The following RADIL variants were observed in gnomAD, a reference collection of about 807,000 sequenced individuals.
RADIL encodes the protein ras-associating and dilute domain-containing protein.
Under a neutral mutation model 97.6 loss-of-function variants are expected in RADIL, and 99 were observed. That is an observed-to-expected ratio of 1.01 (90% CI 0.86 to 1.20). The LOEUF (loss-of-function observed/expected upper bound fraction) is 1.20. Among genes scored for constraint, RADIL ranks in the 50% most tolerant of loss-of-function variants. The pLI is 0.00. For missense variants in RADIL, 1,765 were observed against 1,498.9 expected (o/e 1.18, Z -2.93); for synonymous variants, 803 against 691.8 (o/e 1.16, Z -2.52).
chr7:4,815,438 C>A lies in RADIL; in HGVS notation c.1979G>T (p.Ser660Ile), dbSNP rs1423137367. Residue 660 changes from serine to isoleucine, a missense_variant, in exon 9 of 15, where the codon AGC becomes ATC. Physicochemically the swap from Ser to Ile is moderately radical, Grantham distance 142. Transcript: ENST00000399583. The surrounding 1 kb of genome is among the most constrained non-coding windows in gnomAD (Gnocchi z 8.0). ...NQLLDRGPSL[S>I]CFHWPRGVQA... ...GACACCTCTGGGCCAGTGGAAGCAG[C>A]TCAGGGAGGGGCCTGTGGAGGGAAG... is the stretch of plus-strand genomic sequence containing the variant. The A allele has an allele frequency of 6.5e-7, 1 of 1,527,226 alleles. No homozygotes were observed. Among genetic ancestry groups the A allele is most frequent in the Non-Finnish European group, 8.8e-7 (1 of 1,134,300 alleles). 94.6% of individuals were successfully genotyped at this position (1,527,226 alleles called of 1,614,324 possible). A position where few individuals can be genotyped will look rare whatever the true frequency, so the allele number is the denominator to read the frequency against.
intron 2 of RADIL, among the ~76,000 whole-genome samples, chr7:4,836,828 C>T (rs980442863): frequency 5.9e-5 from 9 of 152,244 alleles, no homozygotes; most frequent in Middle Eastern, 3.4e-3. Context: ...ATCCCAGCTA[C>T]TCAGGAGGCT....
At chr7:4,848,261 T>C (rs1562448845) in intron 2 of RADIL, among the ~76,000 whole-genome samples, 1 of 150,686 alleles carries the variant, frequency 6.6e-6, no homozygotes, top group African/African-American at 2.4e-5. Context: ...ATGATGATGA[T>C]CACACAACTT....
Position 4,801,825 on chromosome 7 carries a change from G to A in RADIL, c.2670C>T (p.Ser890=). The change falls in exon 12 of 15, where the codon TCC becomes TCT. Residue 890 remains serine (S), a synonymous_variant. Transcript: ENST00000399583. The part of the protein sequence containing the change: ...PPGRQPSRGG[S]QAGPPHTDSS... ...AGTCCGTGTGCGGGGGGCCAGCCTG[G>A]GAGCCCCCACGGCTGGGTTGCCTTC... The A allele has an allele frequency of 6.2e-7, 1 of 1,606,962 alleles. No individual in the cohort carries two copies. Among genetic ancestry groups the A allele is most frequent in the Non-Finnish European group, 8.5e-7 (1 of 1,177,552 alleles).
intron 7 of RADIL, 137 bp from the exon 8 acceptor site, chr7:4,816,602 C>A (rs1782685531): frequency 7.2e-6 from 5 of 697,716 alleles, no homozygotes; most frequent in Non-Finnish European, 1.2e-5. Context: ...GCTGGACAGG[C>A]CATGGCTTTG....
intron 9 of RADIL, 84 bp from the exon 10 acceptor site, chr7:4,805,800 G>C: frequency 6.6e-7 from 1 of 1,511,366 alleles, no homozygotes; most frequent in Non-Finnish European, 8.9e-7. Flanking sequence ...CAGGTGGCCT[G>C]GGGGTAGCCA....
intron 2 of RADIL, chr7:4,858,580 T>C (rs1783892660): frequency 6.6e-6 from 1 of 152,628 alleles, no homozygotes; most frequent in African/African-American, 2.4e-5. Context: ...TTAAAATTCT[T>C]GAAGAAAATG....
intron 2 of RADIL, chr7:4,865,659 C>T (rs1047342571): frequency 2.1e-6 from 2 of 939,988 alleles, no homozygotes; most frequent in Non-Finnish European, 3.5e-6. Context: ...TTTCCATTCA[C>T]TTTGATCCTT....
intron 9 of RADIL, chr7:4,809,472 G>C (rs190498626): frequency 3.0e-6 from 3 of 985,164 alleles, no homozygotes; most frequent in Non-Finnish European, 3.6e-6. Context: ...AATTTCCCCC[G>C]AGGAACACGC....
chr7:4,828,111 G>C (rs1336454669), intron 5 of RADIL, among the ~76,000 whole-genome samples: 1 of 152,052 alleles, frequency 6.6e-6, no homozygotes, highest in Non-Finnish European at 1.5e-5. Context: ...CTGTTGGTGG[G>C]GATATAAATT....
rs867478990 is a variant in RADIL, at chr7:4,798,078, A to G, written c.*1300T>C. 2 of 136,102 alleles carry G rather than the reference A, an allele frequency of 1.5e-5. No homozygotes were observed. Among genetic ancestry groups the G allele is most frequent in the African/African-American group, 3.4e-5 (1 of 29,518 alleles). The allele number at this position is 136,102 out of a possible 1,614,324, so 8.4% of individuals were successfully genotyped here. A position where few individuals can be genotyped will look rare whatever the true frequency, so the allele number is the denominator to read the frequency against. ...ACATGAATATGTAATATATTCATATATAATTATATATTTATATATATTCAT... is the reference window on the plus strand; with the variant it reads ...ACATGAATATGTAATATATTCATATGTAATTATATATTTATATATATTCAT... On this transcript the variant is annotated 3_prime_UTR_variant, in exon 15 of 15. Coordinates refer to ENST00000399583, the MANE Select transcript of RADIL (RefSeq NM_018059.5).
Position 4,822,236 on chromosome 7 carries a change from C to A in RADIL, c.1615+158G>T, listed in dbSNP as rs577239242. 1.3e-5 allele frequency among the ~76,000 whole-genome samples: 2 copies of A among 152,310 alleles called. No homozygotes were observed. Among genetic ancestry groups the A allele is most frequent in the African/African-American group, 4.8e-5 (2 of 41,594 alleles). ...CAGCACCAGCCTCACAGGCCGTCCC[C>A]GAGCAACTGACACATGGCAGCCTAG... is the stretch of plus-strand genomic sequence containing the variant. On this transcript the variant is annotated intron_variant, in intron 6 of 14. Coordinates refer to ENST00000399583, the MANE Select transcript of RADIL (RefSeq NM_018059.5). The surrounding 1 kb of genome is among the most constrained non-coding windows in gnomAD (Gnocchi z 5.3).
chr7:4,799,901 C>G (rs2306920), intron 13 of RADIL, 132 bp from the exon 14 acceptor site: 48 of 1,329,730 alleles, frequency 3.6e-5, no homozygotes, highest in Non-Finnish European at 4.8e-5. Flanking sequence ...TGGTTTCACG[C>G]GTCCCTCCAG....
Position 4,835,210 on chromosome 7 carries a change from G to A in RADIL, c.813C>T (p.Asp271=). 1 of 1,611,380 alleles carries A rather than the reference G, an allele frequency of 6.2e-7. No homozygotes were observed. Among genetic ancestry groups the A allele is most frequent in the Non-Finnish European group, 8.5e-7 (1 of 1,179,852 alleles). ...HDSLVYVLNR[D]RHTVGQRTPS... is the part of the protein sequence containing the mutation. ...GGGTCCGCTGGCCCACCGTGTGCCG[G>A]TCCCGGTTGAGCACATACACCAGGC... The change falls in exon 4 of 15, where the codon GAC becomes GAT. Residue 271 remains aspartate (D), a synonymous_variant. Transcript: ENST00000399583. This position sits in a 1 kb window ranked among gnomAD's most constrained non-coding sequence, Gnocchi z 5.8.
chr7:4,853,997 G>A (rs1175530542), intron 2 of RADIL, among the ~76,000 whole-genome samples: 1 of 152,168 alleles, frequency 6.6e-6, no homozygotes, highest in Non-Finnish European at 1.5e-5. Context: ...TGAAAGATGA[G>A]GGGATGCCGC....
intron 5 of RADIL, among the ~76,000 whole-genome samples, chr7:4,829,913 C>T (rs1439787804): frequency 6.6e-6 from 1 of 152,112 alleles, no homozygotes; most frequent in Non-Finnish European, 1.5e-5. Flanking sequence ...TTATTAGCAG[C>T]GTGAGAACAG....
intron 10 of RADIL, among the ~76,000 whole-genome samples, chr7:4,804,574 G>A (rs1327472259): frequency 1.3e-5 from 2 of 152,042 alleles, no homozygotes; most frequent in South Asian, 2.1e-4. Context: ...ATCGCCTGAG[G>A]TCAGGAATTC....
At position 4,799,730 on chromosome 7, in the gene RADIL, G is replaced by T; in HGVS notation, c.3022C>A (p.Leu1008Met). The stretch of plus-strand genomic sequence containing the variant: ...GCCGCTGCGGGGCTGCCCGGGAGCA[G>T]GGTCTGGATGTAGAGCCCGGGGGCG... ...LGAPGLYIQT[L>M]LPGSPAAADG... Residue 1008 changes from leucine (L) to methionine (M), a missense_variant, in exon 14 of 15, where the codon CTG becomes ATG. Physicochemically the swap from Leu to Met is conservative, Grantham distance 15. Transcript: ENST00000399583. The T allele has an allele frequency of 2.6e-6, 4 of 1,561,060 alleles. No homozygotes were observed. Among genetic ancestry groups the T allele is most frequent in the Non-Finnish European group, 3.5e-6 (4 of 1,156,798 alleles).
At position 4,822,494 on chromosome 7, in the gene RADIL, G is replaced by A. The variant is rs201562764; in HGVS notation, c.1515C>T (p.Pro505=). ...TGGAGTTAGACATCCAGAAAAGAAT[G>A]GGCTGCAAGTCTGGAACCAGATCAG... The part of the protein sequence containing the change: ...AMADLVPDLQ[P]ILFWMSNSIE... Residue 505 remains proline (P), a synonymous_variant, in exon 6 of 15, where the codon CCC becomes CCT. Coordinates refer to ENST00000399583, the MANE Select transcript of RADIL (RefSeq NM_018059.5). This position sits in a 1 kb window ranked among gnomAD's most constrained non-coding sequence, Gnocchi z 5.3. 85 of 1,613,110 alleles carry A rather than the reference G, an allele frequency of 5.3e-5. No individual in the cohort carries two copies. In the African/African-American group the frequency reaches 8.9e-4, roughly 17 times the overall value.
In RADIL at chr7:4,818,737, TGCCTCAGGCTGCCAGGTCTGAGAACCCA is replaced by T. The variant is rs1782747293; in HGVS notation, c.1616-1414_1616-1387del. On this transcript the variant is annotated intron_variant, in intron 6 of 14. Transcript: ENST00000399583. This position sits in a 1 kb window ranked among gnomAD's most constrained non-coding sequence, Gnocchi z 7.1. ...CCTGTCCTGGTGCCCTGACCCTGGC[TGCCTCAGGCTGCCAGGTCTGAGAACCCA>T]GCCCCACATCACTCCCTGGGCAGGG... 6.6e-6 allele frequency among the ~76,000 whole-genome samples: 1 copy of T among 152,132 alleles called. No individual in the cohort carries two copies. Among genetic ancestry groups the T allele is most frequent in the Non-Finnish European group, 1.5e-5 (1 of 68,008 alleles).
Sources: gnomAD v4.1 joint callset for allele counts (sites outside exome capture counted in the v4.1 genomes callset) on GRCh38, gnomAD v4.1.1 for gene constraint, Gnocchi (gnomAD v3.1) non-coding constraint, MANE v1.5 for transcripts, NCBI Gene and HGNC (gene_info 2026-07-23, HGNC 2026-07-21) for gene names.